TGS1: variants seen among roughly 807,000 people sequenced by gnomAD.
TGS1 encodes the protein trimethylguanosine synthase.
A neutral mutation model predicts 92.2 loss-of-function variants in TGS1; 69 were observed. The ratio of observed to expected loss-of-function variants is 0.75; its 90% CI spans 0.62 to 0.91. The LOEUF is 0.91. Among genes scored for constraint, TGS1 ranks in the 40% least tolerant of loss-of-function variants. The probability of loss-of-function intolerance (pLI) is 0.00; values close to 1 mark genes in which losing one functional copy is unlikely to be tolerated. For synonymous variants in TGS1, 345 were observed against 338.1 expected, an observed-to-expected ratio of 1.02 and a Z score of -0.22; for missense variants, 1,062 against 1,001.2, an observed-to-expected ratio of 1.06 and a Z score of -0.82.
rs1182027559 is a variant in TGS1, at chr8:55,826,228, GT to G, written c.*1531del. Among the ~76,000 whole-genome samples, 1 of 151,970 alleles carries G rather than the reference GT, an allele frequency of 6.6e-6. No homozygotes were observed. The highest frequency in any genetic ancestry group is 2.4e-5 in the African/African-American group (1 of 41,364). On this transcript the variant is annotated 3_prime_UTR_variant, in exon 13 of 13. Transcript: ENST00000260129. ...TTTCCAAAATCACTAATTTTTTTTA[GT>G]TTTTTGTCACTTAACCTTTCTTGCA... is the stretch of plus-strand genomic sequence containing the variant.
chr8:55,782,949 A>T lies in TGS1; in HGVS notation c.166+137A>T, dbSNP rs748218157. ...TGCCAAATAATTCTGTAATCAGACA[A>T]TTTTTATTTTCTTTTATAACATGGT... On this transcript the variant is annotated intron_variant, in intron 2 of 12. Transcript: ENST00000260129. The T allele has an allele frequency of 8.2e-6, 5 of 609,926 alleles. No homozygotes were observed. The South Asian group carries it at 1.2e-4, about 14-fold the overall frequency. The allele number at this position is 609,926 out of a possible 1,614,324, so 37.8% of individuals were successfully genotyped here.
chr8:55,819,912 T>G (rs1046031897), intron 12 of TGS1, among the ~76,000 whole-genome samples: 3 of 152,228 alleles, frequency 2.0e-5, no homozygotes, highest in Non-Finnish European at 4.4e-5. Flanking sequence ...AGCACTTTCT[T>G]GGCCTGTGTG....
chr8:55,808,853 A>G (rs1181621992), intron 10 of TGS1, among the ~76,000 whole-genome samples: 1 of 152,156 alleles, frequency 6.6e-6, no homozygotes, highest in Non-Finnish European at 1.5e-5. Context: ...AGAAGTGGTA[A>G]TTCACAGGTG....
chr8:55,773,823 T>G, intron 1 of TGS1, 104 bp downstream of exon 1: 2 of 918,334 alleles, frequency 2.2e-6, no homozygotes, highest in Non-Finnish European at 3.3e-6. Context: ...AGCCAGAACA[T>G]CTGACCCTTG....
rs1370494384 is a variant in TGS1 at position 55,773,523 on chromosome 8, G to T, written c.-96G>T. 2.3e-6 allele frequency: 2 copies of T among 871,954 alleles called. No homozygotes were observed. Among genetic ancestry groups the T allele is most frequent in the South Asian group, 3.3e-5 (2 of 60,330 alleles). 54.0% of individuals were successfully genotyped at this position (871,954 alleles called of 1,614,324 possible). ...GTTTCTATCTCCTCATCCAGGGCTT[G>T]CGGGCGAGGCCTGTTTTAAGTCTCC... On this transcript the variant is annotated 5_prime_UTR_variant, in exon 1 of 13. Transcript: ENST00000260129.
At chr8:55,797,990 A>C (rs1248289909) in intron 7 of TGS1, among the ~76,000 whole-genome samples, 2 of 152,190 alleles carry the variant, frequency 1.3e-5, no homozygotes, top group Non-Finnish European at 2.9e-5. Flanking sequence ...GGTGCTAGTT[A>C]TATCTGAAAC....
At chr8:55,796,228 C>A in intron 7 of TGS1, 76 bp downstream of exon 7, 3 of 1,129,574 alleles carry the variant, frequency 2.7e-6, no homozygotes, top group South Asian at 1.6e-5. Context: ...TTGTTGTATT[C>A]AAATAGGAAG....
chr8:55,781,661 G>A (rs1000706466), intron 1 of TGS1, among the ~76,000 whole-genome samples: 1 of 152,120 alleles, frequency 6.6e-6, no homozygotes, highest in African/African-American at 2.4e-5. Context: ...ACATTTGCAC[G>A]TCACCCCCTT....
chr8:55,811,047 C>T lies in TGS1; in HGVS notation c.2310C>T (p.Asp770=). 1 of 1,614,150 alleles carries T rather than the reference C, an allele frequency of 6.2e-7. No individual in the cohort carries two copies. Among genetic ancestry groups the T allele is most frequent in the South Asian group, 1.1e-5 (1 of 91,084 alleles). Residue 770 remains aspartate, a synonymous_variant, in exon 11 of 13, where the codon GAC becomes GAT. Coordinates refer to ENST00000260129, the MANE Select transcript of TGS1 (RefSeq NM_024831.8). ...TCAGCCCACCTTGGGGAGGGCCAGA[C>T]TATGCCACTGCAGAGACCTTTGACA... ...VFLSPPWGGP[D]YATAETFDIR...
intron 1 of TGS1, among the ~76,000 whole-genome samples, chr8:55,776,608 A>G (rs1192747331): frequency 2.0e-5 from 3 of 152,096 alleles, no homozygotes; most frequent in Admixed American, 2.0e-4. Context: ...ATAACCGATT[A>G]GGTCAGGGGT....
chr8:55,779,874 C>T (rs1811513903), intron 1 of TGS1, among the ~76,000 whole-genome samples: 2 of 144,926 alleles, frequency 1.4e-5, no homozygotes, highest in Non-Finnish European at 1.5e-5. Context: ...TCTTTTTTTT[C>T]CTTTTTTTTT....
chr8:55,790,316 C>G lies in TGS1; in HGVS notation c.1280+17C>G. 6.6e-7 allele frequency: 1 copy of G among 1,525,000 alleles called. No individual in the cohort carries two copies. The highest frequency in any genetic ancestry group is 1.1e-5 in the South Asian group (1 of 89,228). The allele number at this position is 1,525,000 out of a possible 1,614,324, so 94.5% of individuals were successfully genotyped here. On this transcript the variant is annotated intron_variant, in intron 5 of 12. Transcript: ENST00000260129. ...GAAGAGGAGGTAAGTTACATGAGAC[C>G]CCTCTCACCAGAGCGTGTTAGAGTA...
chr8:55,824,706 A>G lies in TGS1; in HGVS notation c.*3A>G, dbSNP rs377019437. ...GAAGACCAGCCTCTGAAACCTAACT[A>G]TGCAGCAGTGCGAGGACAAAAGATC... On this transcript the variant is annotated 3_prime_UTR_variant, in exon 13 of 13. Coordinates refer to ENST00000260129, the MANE Select transcript of TGS1 (RefSeq NM_024831.8). 3.5e-5 allele frequency: 56 copies of G among 1,614,048 alleles called. No individual in the cohort carries two copies. Among genetic ancestry groups the G allele is most frequent in the Non-Finnish European group, 4.2e-5 (50 of 1,180,004 alleles).
At chr8:55,776,226 G>A (rs997414603) in intron 1 of TGS1, among the ~76,000 whole-genome samples, 5 of 151,164 alleles carry the variant, frequency 3.3e-5, no homozygotes, top group African/African-American at 7.3e-5. Flanking sequence ...TGGGGGCTGC[G>A]TACACCACTA....
At chr8:55,777,614 A>G (rs1811437855) in intron 1 of TGS1, among the ~76,000 whole-genome samples, 1 of 151,514 alleles carries the variant, frequency 6.6e-6, no homozygotes, top group Non-Finnish European at 1.5e-5. Flanking sequence ...ATCTCGGCTC[A>G]CTGCAACCTC....
chr8:55,784,882 C>T (rs1008971362), intron 2 of TGS1, among the ~76,000 whole-genome samples: 1 of 152,166 alleles, frequency 6.6e-6, no homozygotes, highest in Middle Eastern at 3.2e-3. Flanking sequence ...TGTCTTCCTT[C>T]CATCCTCAGT....
At chr8:55,787,703 T>C (rs1455299273) in intron 4 of TGS1, among the ~76,000 whole-genome samples, 1 of 152,244 alleles carries the variant, frequency 6.6e-6, no homozygotes, top group African/African-American at 2.4e-5. Flanking sequence ...GAATGTTTAC[T>C]TTGCATTGCT....
At chr8:55,804,528 G>A (rs1812308568) in intron 9 of TGS1, among the ~76,000 whole-genome samples, 2 of 152,306 alleles carry the variant, frequency 1.3e-5, no homozygotes, top group African/African-American at 4.8e-5. Context: ...GGGAAACTCA[G>A]CGGAGTGTGG....
chr8:55,811,990 G>C (rs181523772), intron 11 of TGS1, among the ~76,000 whole-genome samples: 1 of 152,028 alleles, frequency 6.6e-6, no homozygotes, highest in Non-Finnish European at 1.5e-5. Context: ...TTGTGAATTG[G>C]GAATTTCCTG....
Sources: allele counts gnomAD v4.1 joint callset (sites outside exome capture counted in the v4.1 genomes callset), GRCh38; gene constraint gnomAD v4.1.1; transcripts MANE v1.5; gene names NCBI Gene and HGNC (gene_info 2026-07-23, HGNC 2026-07-21).